FBXW4: variants seen among roughly 807,000 people sequenced by gnomAD.
FBXW4 encodes F-box and WD repeat domain containing 4.
A neutral mutation model predicts 61.8 loss-of-function variants in FBXW4; 40 were observed. That is an observed-to-expected ratio of 0.65 (90% CI 0.50 to 0.84). The LOEUF is 0.84. Ranked by LOEUF, FBXW4 falls within the 40% of genes least tolerant of loss-of-function variation. The pLI is 0.00. For missense variants in FBXW4, 672 were observed against 753.8 expected, an observed-to-expected ratio of 0.89 and a Z score of 1.27; for synonymous variants, 311 against 313.8, an observed-to-expected ratio of 0.99 and a Z score of 0.10.
intron 6 of FBXW4, among the ~76,000 whole-genome samples, chr10:101,618,327 C>T (rs2063841510): frequency 6.6e-6 from 1 of 152,214 alleles, no homozygotes. Flanking sequence ...ACTCCAGCCA[C>T]AGGGGTCAGG....
At chr10:101,626,148 C>A (rs1368369440) in intron 5 of FBXW4, 2 of 152,450 alleles carry the variant, frequency 1.3e-5, no homozygotes, top group African/African-American at 2.4e-5. Flanking sequence ...CAAGCCAAGA[C>A]TTCCTCCAGG....
At chr10:101,669,380 C>A (rs1403124108) in intron 4 of FBXW4, among the ~76,000 whole-genome samples, 1 of 152,182 alleles carries the variant, frequency 6.6e-6, no homozygotes, top group Non-Finnish European at 1.5e-5. Flanking sequence ...CTGACACAAA[C>A]TCCCTGGGAG....
intron 6 of FBXW4, among the ~76,000 whole-genome samples, chr10:101,621,976 C>T (rs2063869925): frequency 6.6e-6 from 1 of 152,150 alleles, no homozygotes; most frequent in African/African-American, 2.4e-5. Context: ...GGTGGGCATT[C>T]TCACTCACAG....
intron 2 of FBXW4, among the ~76,000 whole-genome samples, chr10:101,675,740 C>T (rs927201301): frequency 2.6e-5 from 4 of 152,206 alleles, no homozygotes; most frequent in African/African-American, 9.7e-5. Flanking sequence ...CAAATAATAA[C>T]TATGAAATCA....
At chr10:101,665,901 G>A (rs1050877765) in intron 5 of FBXW4, among the ~76,000 whole-genome samples, 6 of 152,050 alleles carry the variant, frequency 3.9e-5, no homozygotes, top group African/African-American at 7.2e-5. Context: ...TGAAGGAAGC[G>A]CACAGACCAT....
chr10:101,673,388 C>G, intron 3 of FBXW4, 100 bp downstream of exon 3: 1 of 1,358,972 alleles, frequency 7.4e-7, no homozygotes, highest in South Asian at 1.3e-5. Context: ...TGGTCTCCCT[C>G]CTCATCCCTT....
Position 101,611,610 on chromosome 10 carries a change from G to A in FBXW4, c.1584+18C>T. 6.2e-7 allele frequency: 1 copy of A among 1,613,272 alleles called. No individual in the cohort carries two copies. Among genetic ancestry groups the A allele is most frequent in the Non-Finnish European group, 8.5e-7 (1 of 1,179,344 alleles). ...ATGAGTCCTGGCATGCTGGAGAAGA[G>A]GTGGGCAGGACACTTACGTGCAGGC... On this transcript the variant is annotated intron_variant, in intron 8 of 8. Coordinates refer to ENST00000331272, the MANE Select transcript of FBXW4 (RefSeq NM_022039.4). The surrounding 1 kb of genome is among the most constrained non-coding windows in gnomAD (Gnocchi z 4.9).
chr10:101,611,155 A>G lies in FBXW4; in HGVS notation c.*136T>C. 1 of 1,158,650 alleles carries G rather than the reference A, an allele frequency of 8.6e-7. No individual in the cohort carries two copies. Among genetic ancestry groups the G allele is most frequent in the Non-Finnish European group, 1.2e-6 (1 of 822,376 alleles). The allele number at this position is 1,158,650 out of a possible 1,614,324, so 71.8% of individuals were successfully genotyped here. A position where few individuals can be genotyped will look rare whatever the true frequency, so the allele number is the denominator to read the frequency against. ...CCAGGAGTCAGAAGCCTCTAGTGCA[A>G]GGTGCCTGAGCACTGGGGTCACAGG... On this transcript the variant is annotated 3_prime_UTR_variant, in exon 9 of 9. Transcript: ENST00000331272. The surrounding 1 kb of genome is among the most constrained non-coding windows in gnomAD (Gnocchi z 4.9).
At chr10:101,647,452 G>A (rs2064110508) in intron 5 of FBXW4, among the ~76,000 whole-genome samples, 1 of 152,170 alleles carries the variant, frequency 6.6e-6, no homozygotes, top group Admixed American at 6.5e-5. Context: ...CTAGGCAGCT[G>A]CCTGCCCATC....
At chr10:101,616,742 A>G (rs1358057789) in intron 6 of FBXW4, among the ~76,000 whole-genome samples, 1 of 152,260 alleles carries the variant, frequency 6.6e-6, no homozygotes, top group African/African-American at 2.4e-5. Flanking sequence ...TCTGGCCTCC[A>G]GGCCACAGTG....
At chr10:101,629,543 C>A (rs1046023602) in intron 5 of FBXW4, among the ~76,000 whole-genome samples, 1 of 152,058 alleles carries the variant, frequency 6.6e-6, no homozygotes, top group African/African-American at 2.4e-5. Flanking sequence ...CTTGGCCTCG[C>A]AAAGTTCTGG....
chr10:101,658,182 C>T (rs1426917581), intron 5 of FBXW4, among the ~76,000 whole-genome samples: 1 of 152,108 alleles, frequency 6.6e-6, no homozygotes, highest in Non-Finnish European at 1.5e-5. Context: ...CCATGTACTG[C>T]CGCTTGGAAG....
intron 1 of FBXW4, among the ~76,000 whole-genome samples, chr10:101,693,829 T>C (rs2064637335): frequency 6.6e-6 from 1 of 152,162 alleles, no homozygotes; most frequent in Non-Finnish European, 1.5e-5. Flanking sequence ...CCCTTTTTCG[T>C]GTCGCTCTGC....
chr10:101,659,868 A>G (rs1285947465), intron 5 of FBXW4, among the ~76,000 whole-genome samples: 1 of 152,216 alleles, frequency 6.6e-6, no homozygotes, highest in Non-Finnish European at 1.5e-5. Flanking sequence ...TCAGATGGTA[A>G]TCCCATTTAT....
intron 5 of FBXW4, among the ~76,000 whole-genome samples, chr10:101,666,731 G>C (rs1302211407): frequency 6.6e-6 from 1 of 152,126 alleles, no homozygotes; most frequent in Non-Finnish European, 1.5e-5. Context: ...CTCGAAAGCA[G>C]AAGTCGGGAT....
At chr10:101,618,274 C>CT (rs2063841061) in intron 6 of FBXW4, among the ~76,000 whole-genome samples, 1 of 152,228 alleles carries the variant, frequency 6.6e-6, no homozygotes, top group Non-Finnish European at 1.5e-5. Flanking sequence ...CCAGGTGGCC[C>CT]TTATCAGTGT....
At chr10:101,631,785 G>A (rs985806939) in intron 5 of FBXW4, among the ~76,000 whole-genome samples, 4 of 152,114 alleles carry the variant, frequency 2.6e-5, no homozygotes, top group East Asian at 1.9e-4. Context: ...ATGCCACCAC[G>A]CCTGGCTAAT....
chr10:101,684,013 G>C (rs978035840), intron 1 of FBXW4, among the ~76,000 whole-genome samples: 1 of 151,946 alleles, frequency 6.6e-6, no homozygotes, highest in Non-Finnish European at 1.5e-5. Flanking sequence ...ACCCAGGCTG[G>C]AGTGCAGTAG....
At chr10:101,675,093 C>T (rs1414168048) in intron 2 of FBXW4, among the ~76,000 whole-genome samples, 2 of 152,174 alleles carry the variant, frequency 1.3e-5, no homozygotes, top group African/African-American at 4.8e-5. Flanking sequence ...ATTGACTTGA[C>T]GGGCCATTAA....
Sources: gnomAD v4.1 joint callset for allele counts (sites outside exome capture counted in the v4.1 genomes callset) on GRCh38, gnomAD v4.1.1 for gene constraint, Gnocchi (gnomAD v3.1) non-coding constraint, MANE v1.5 for transcripts, NCBI Gene and HGNC (gene_info 2026-07-23, HGNC 2026-07-21) for gene names.